Variants in KCTD8 observed in about 807,000 individuals in gnomAD.
KCTD8 encodes the protein potassium channel tetramerization domain containing 8, also known as BTB/POZ domain-containing protein KCTD8.
In KCTD8, 27 loss-of-function variants were observed where a neutral mutation model predicts 31.5. The observed-to-expected ratio is 0.86, with a 90% confidence interval of 0.63 to 1.18. The LOEUF is 1.18. Ranked by LOEUF, KCTD8 falls within the 50% of genes most tolerant of loss-of-function variation. The pLI is 0.00. For missense variants in KCTD8, 658 were observed against 647.7 expected, an observed-to-expected ratio of 1.02 and a Z score of -0.17; for synonymous variants, 290 against 280.0, an observed-to-expected ratio of 1.04 and a Z score of -0.36.
chr4:44,401,011 CTTTTTTTTTTT>C (rs59602420), intron 1 of KCTD8, among the ~76,000 whole-genome samples: 2 of 95,912 alleles, frequency 2.1e-5, no homozygotes, highest in East Asian at 7.2e-4. Context: ...AATTTTCTTT[CTTTTTTTTTTT>C]TTTTTTTTTT....
intron 1 of KCTD8, among the ~76,000 whole-genome samples, chr4:44,188,872 T>A (rs1416617926): frequency 6.6e-6 from 1 of 152,170 alleles, no homozygotes; most frequent in Admixed American, 6.5e-5. Context: ...ACACCTTAAT[T>A]TTAGCCTAGT....
chr4:44,201,377 T>C (rs1470883877), intron 1 of KCTD8, among the ~76,000 whole-genome samples: 5 of 152,040 alleles, frequency 3.3e-5, no homozygotes, highest in African/African-American at 1.2e-4. Context: ...AGAACAAAGA[T>C]GGAGGTATCA....
At chr4:44,417,137 T>C (rs1445731244) in intron 1 of KCTD8, among the ~76,000 whole-genome samples, 1 of 152,220 alleles carries the variant, frequency 6.6e-6, no homozygotes, top group African/African-American at 2.4e-5. Context: ...AGCCCAGAGT[T>C]CTAAACTGTA....
At position 44,216,624 on chromosome 4, in the gene KCTD8, T is replaced by TA. The variant is rs367759504; in HGVS notation, c.962-41375dup. Among the ~76,000 whole-genome samples, 324 of 151,878 alleles carry TA rather than the reference T, an allele frequency of 2.1e-3. 1 individual carries two copies. The highest frequency in any genetic ancestry group is 7.3e-3 in the African/African-American group (302 of 41,444). ...TTTTTCACTTCAGGATGAGACAAGTTAAAAAAAATGTTTTCTGTTATTGCA... is the reference window on the plus strand; with the variant it reads ...TTTTTCACTTCAGGATGAGACAAGTTAAAAAAAAATGTTTTCTGTTATTGCA... On this transcript the variant is annotated intron_variant, in intron 1 of 1. Transcript: ENST00000360029.
chr4:44,380,189 T>G (rs1306658217), intron 1 of KCTD8, among the ~76,000 whole-genome samples: 1 of 152,000 alleles, frequency 6.6e-6, no homozygotes, highest in African/African-American at 2.4e-5. Flanking sequence ...CACTGTTCTA[T>G]GATATGACAC....
Position 44,205,251 on chromosome 4 carries a change from A to G in KCTD8, c.962-30001T>C, listed in dbSNP as rs367996880. On this transcript the variant is annotated intron_variant, in intron 1 of 1. Transcript: ENST00000360029. ...GAAAGAAAAATTAAAGTGCCTTCCTAGATACCAAAGCATATATAAAACTTT... is the reference window on the plus strand; with the variant it reads ...GAAAGAAAAATTAAAGTGCCTTCCTGGATACCAAAGCATATATAAAACTTT... Among the ~76,000 whole-genome samples the G allele has an allele frequency of 2.6e-4, 40 of 152,316 alleles. No homozygotes were observed. The South Asian group carries it at 7.7e-3, about 29-fold the overall frequency.
At chr4:44,241,860 A>G (rs772784025) in intron 1 of KCTD8, among the ~76,000 whole-genome samples, 4 of 152,240 alleles carry the variant, frequency 2.6e-5, no homozygotes, top group Non-Finnish European at 5.9e-5. Flanking sequence ...CAGAGTTACT[A>G]AGGAATGGAC....
At chr4:44,223,474 C>T (rs1486493616) in intron 1 of KCTD8, among the ~76,000 whole-genome samples, 1 of 152,190 alleles carries the variant, frequency 6.6e-6, no homozygotes, top group African/African-American at 2.4e-5. Context: ...CTCTGAAACG[C>T]TTGGGAACTT....
At chr4:44,284,052 C>T (rs1291845515) in intron 1 of KCTD8, among the ~76,000 whole-genome samples, 1 of 152,078 alleles carries the variant, frequency 6.6e-6, no homozygotes, top group Non-Finnish European at 1.5e-5. Context: ...ACCTTACTGC[C>T]CAAAGTAATT....
chr4:44,174,628 G>A lies in KCTD8; in HGVS notation c.*162C>T. Reference sequence around the variant, plus strand: ...TCCTTTTTAATCATGTTTCTAAAAAGAACAACAACTAAAACATAAAAGAAA... The same window carrying A: ...TCCTTTTTAATCATGTTTCTAAAAAAAACAACAACTAAAACATAAAAGAAA... On this transcript the variant is annotated 3_prime_UTR_variant, in exon 2 of 2. Transcript: ENST00000360029. The A allele has an allele frequency of 2.0e-6, 1 of 503,904 alleles. No individual in the cohort carries two copies. The highest frequency in any genetic ancestry group is 3.1e-5 in the East Asian group (1 of 31,890). 31.2% of individuals were successfully genotyped at this position (503,904 alleles called of 1,614,324 possible).
intron 1 of KCTD8, among the ~76,000 whole-genome samples, chr4:44,405,372 C>A (rs1720767966): frequency 6.6e-6 from 1 of 152,130 alleles, no homozygotes. Context: ...ATTCTCCTGC[C>A]TCAGCCTCCT....
intron 1 of KCTD8, among the ~76,000 whole-genome samples, chr4:44,343,348 A>G (rs1718952770): frequency 6.6e-6 from 1 of 152,206 alleles, no homozygotes; most frequent in Non-Finnish European, 1.5e-5. Flanking sequence ...GTTAGAATAC[A>G]CACAATATTT....
chr4:44,265,584 C>A (rs1020420059), intron 1 of KCTD8, among the ~76,000 whole-genome samples: 1 of 152,094 alleles, frequency 6.6e-6, no homozygotes, highest in Non-Finnish European at 1.5e-5. Flanking sequence ...TTCAGATGAT[C>A]AAACTACTCC....
At chr4:44,318,839 A>G (rs191328179) in intron 1 of KCTD8, among the ~76,000 whole-genome samples, 1 of 152,292 alleles carries the variant, frequency 6.6e-6, no homozygotes, top group African/African-American at 2.4e-5. Context: ...GAATACATCA[A>G]ATTTAAAAGT....
At position 44,253,849 on chromosome 4, in the gene KCTD8, T is replaced by C. The variant is rs1038118442; in HGVS notation, c.962-78599A>G. On this transcript the variant is annotated intron_variant, in intron 1 of 1. Transcript: ENST00000360029. ...AGAATTTTTGTTACATAGCAATAAG[T>C]AGCTAAAACAGAAATTGATCCTGCA... 9.2e-5 allele frequency among the ~76,000 whole-genome samples: 14 copies of C among 152,008 alleles called. No individual in the cohort carries two copies. The South Asian group carries it at 1.2e-3, about 14-fold the overall frequency.
rs760280100 is a variant in KCTD8 at position 44,448,165 on chromosome 4, A to G, written c.359T>C (p.Leu120Pro). The G allele has an allele frequency of 4.3e-6, 7 of 1,612,506 alleles. No homozygotes were observed. The highest frequency in any genetic ancestry group is 4.2e-6 in the Non-Finnish European group (5 of 1,179,742). ...LDYLRDKQLA[L>P]PEHFPEKERL... ...CTCCTTCTCGGGGAAGTGCTCCGGC[A>G]GCGCGAGTTGCTTGTCCCGCAGATA... is the stretch of plus-strand genomic sequence containing the variant. The change falls in exon 1 of 2, where the codon CTG (leucine) becomes CCG (proline). Residue 120 changes from leucine to proline, a missense_variant. Physicochemically the swap from Leu to Pro is moderately conservative, Grantham distance 98 (BLOSUM62 -3). Coordinates refer to ENST00000360029, the MANE Select transcript of KCTD8 (RefSeq NM_198353.3). The surrounding 1 kb of genome is among the most constrained non-coding windows in gnomAD (Gnocchi z 4.1).
intron 1 of KCTD8, among the ~76,000 whole-genome samples, chr4:44,300,946 T>C (rs1717596737): frequency 7.0e-6 from 1 of 143,196 alleles, no homozygotes; most frequent in Admixed American, 7.2e-5. Flanking sequence ...AATTCCCATC[T>C]ATGAGTGAGA....
chr4:44,300,927 T>C lies in KCTD8; in HGVS notation c.962-125677A>G, dbSNP rs562164972. ...TTCCCCTTCCTGTGTCCATATGTTC[T>C]CATTGTTCAATTCCCATCTATGAGT... On this transcript the variant is annotated intron_variant, in intron 1 of 1. Coordinates refer to ENST00000360029, the MANE Select transcript of KCTD8 (RefSeq NM_198353.3). 7.5e-4 allele frequency among the ~76,000 whole-genome samples: 107 copies of C among 142,604 alleles called. 1 individual carries two copies. The South Asian group carries it at 0.024, about 32-fold the overall frequency. 93.6% of individuals were successfully genotyped at this position (142,604 alleles called of 152,430 possible). A position where few individuals can be genotyped will look rare whatever the true frequency, so the allele number is the denominator to read the frequency against.
At position 44,175,274 on chromosome 4, in the gene KCTD8, A is replaced by C. The variant is rs1475224304; in HGVS notation, c.962-24T>G. ...TCCTAAAAAGGAGGAAAAAAAAAGAAGAAGAGTAGAACAGTTGAATAAGAA... is the reference window on the plus strand; with the variant it reads ...TCCTAAAAAGGAGGAAAAAAAAAGACGAAGAGTAGAACAGTTGAATAAGAA... On this transcript the variant is annotated intron_variant, in intron 1 of 1. Transcript: ENST00000360029. 8 of 1,372,100 alleles carry C rather than the reference A, an allele frequency of 5.8e-6. No individual in the cohort carries two copies. In the East Asian group the frequency reaches 1.6e-4, roughly 28 times the overall value. The allele number at this position is 1,372,100 out of a possible 1,614,324, so 85.0% of individuals were successfully genotyped here. A position where few individuals can be genotyped will look rare whatever the true frequency, so the allele number is the denominator to read the frequency against.
Sources: allele counts gnomAD v4.1 joint callset (sites outside exome capture counted in the v4.1 genomes callset), GRCh38; gene constraint gnomAD v4.1.1; non-coding constraint Gnocchi (gnomAD v3.1); transcripts MANE v1.5; gene names NCBI Gene and HGNC (gene_info 2026-07-23, HGNC 2026-07-21).